Variants in LDLRAD3 observed in about 807,000 individuals in gnomAD.
The protein encoded by LDLRAD3 is low density lipoprotein receptor class A domain containing 3, also known as low-density lipoprotein receptor class A domain-containing protein 3.
A neutral mutation model predicts 29.4 loss-of-function variants in LDLRAD3; 20 were observed. The ratio of observed to expected loss-of-function variants is 0.68; its 90% CI spans 0.48 to 0.99. The LOEUF is 0.99. Ranked by LOEUF, LDLRAD3 falls within the 50% of genes least tolerant of loss-of-function variation. LDLRAD3 has a pLI of 0.00. For synonymous variants in LDLRAD3, 157 were observed against 192.7 expected (o/e 0.81, Z 1.53); for missense variants, 420 against 454.3 (o/e 0.92, Z 0.69).
chr11:36,130,648 C>T lies in LDLRAD3; in HGVS notation c.454+32187C>T, dbSNP rs77309236. On this transcript the variant is annotated intron_variant, in intron 4 of 5. Coordinates refer to ENST00000315571, the MANE Select transcript of LDLRAD3 (RefSeq NM_174902.4). ...CTGTTCTCCTCAACCCTGGTCTGAG[C>T]GCCTGCTTTGTGCGAGTCATTCAGG... 8.9e-3 allele frequency among the ~76,000 whole-genome samples: 1,360 copies of T among 152,294 alleles called. 8 individuals are homozygous for T. The highest frequency in any genetic ancestry group is 0.013 in the Non-Finnish European group (884 of 68,026).
At chr11:36,164,877 A>G (rs1210983951) in intron 4 of LDLRAD3, among the ~76,000 whole-genome samples, 1 of 152,198 alleles carries the variant, frequency 6.6e-6, no homozygotes, top group South Asian at 2.1e-4. Flanking sequence ...CCCAGTTGCT[A>G]TTGTTTGTTG....
At chr11:36,200,926 C>T (rs1239482489) in intron 4 of LDLRAD3, among the ~76,000 whole-genome samples, 1 of 152,170 alleles carries the variant, frequency 6.6e-6, no homozygotes, top group African/African-American at 2.4e-5. Flanking sequence ...TTCCTGGTCC[C>T]ACGCAGAAGG....
At chr11:36,165,650 C>T (rs1481165432) in intron 4 of LDLRAD3, among the ~76,000 whole-genome samples, 2 of 152,020 alleles carry the variant, frequency 1.3e-5, no homozygotes, top group African/African-American at 4.8e-5. Context: ...CTGTGTTTTG[C>T]ATAGTTCATT....
chr11:36,065,840 A>G (rs564249303), intron 2 of LDLRAD3, among the ~76,000 whole-genome samples: 11 of 152,158 alleles, frequency 7.2e-5, no homozygotes, highest in African/African-American at 2.2e-4. Flanking sequence ...TCTGCTGTTT[A>G]TGTGGATCAT....
intron 4 of LDLRAD3, among the ~76,000 whole-genome samples, chr11:36,155,747 T>G (rs1374638358): frequency 6.6e-6 from 1 of 152,212 alleles, no homozygotes; most frequent in Non-Finnish European, 1.5e-5. Flanking sequence ...CCCCTGTTAT[T>G]CCCAGGGGTA....
chr11:35,979,432 C>T (rs189702481), intron 1 of LDLRAD3, among the ~76,000 whole-genome samples: 9 of 152,242 alleles, frequency 5.9e-5, no homozygotes, highest in Admixed American at 4.6e-4. Flanking sequence ...GTTTTGGCCA[C>T]AGGATATTTA....
At chr11:36,100,912 C>A (rs1255064155) in intron 4 of LDLRAD3, among the ~76,000 whole-genome samples, 4 of 152,160 alleles carry the variant, frequency 2.6e-5, no homozygotes, top group Non-Finnish European at 5.9e-5. Context: ...TTTGCTTGCC[C>A]TTAAGAAGAA....
Position 36,181,247 on chromosome 11 carries a change from A to AT in LDLRAD3, c.455-45837dup, listed in dbSNP as rs1352806992. 4.8e-4 allele frequency among the ~76,000 whole-genome samples: 73 copies of AT among 151,316 alleles called. 1 individual carries two copies. The highest frequency in any genetic ancestry group is 1.1e-3 in the African/African-American group (46 of 41,188). ...ACACATGGTAAAAAAAAAAAAAAAA[A>AT]TCTAAGAATTACAGGACTAAGGTGA... On this transcript the variant is annotated intron_variant, in intron 4 of 5. Coordinates refer to ENST00000315571, the MANE Select transcript of LDLRAD3 (RefSeq NM_174902.4).
intron 4 of LDLRAD3, among the ~76,000 whole-genome samples, chr11:36,129,276 A>C (rs919754843): frequency 5.9e-5 from 9 of 152,206 alleles, no homozygotes; most frequent in African/African-American, 2.2e-4. Context: ...CAAAACCCAA[A>C]GGATTTGGCT....
At chr11:35,950,894 T>G (rs961169820) in intron 1 of LDLRAD3, among the ~76,000 whole-genome samples, 1 of 152,060 alleles carries the variant, frequency 6.6e-6, no homozygotes, top group Admixed American at 6.6e-5. Context: ...CCATCCTGGC[T>G]AACATGGTGA....
chr11:36,038,343 G>A (rs1216904188), intron 2 of LDLRAD3, among the ~76,000 whole-genome samples: 1 of 152,160 alleles, frequency 6.6e-6, no homozygotes, highest in Admixed American at 6.5e-5. Flanking sequence ...TCATCTGTCT[G>A]GTTTTGAGGA....
At chr11:35,964,126 GA>G (rs2133138709) in intron 1 of LDLRAD3, among the ~76,000 whole-genome samples, 1 of 152,288 alleles carries the variant, frequency 6.6e-6, no homozygotes, top group African/African-American at 2.4e-5. Flanking sequence ...AAGTTTGCTG[GA>G]GTCTTGAGCA....
At chr11:35,960,932 A>G (rs1851269608) in intron 1 of LDLRAD3, among the ~76,000 whole-genome samples, 1 of 152,190 alleles carries the variant, frequency 6.6e-6, no homozygotes. Flanking sequence ...ATGACTGGTC[A>G]GGGGAGTGGT....
At chr11:36,077,656 T>A (rs1402285581) in intron 2 of LDLRAD3, among the ~76,000 whole-genome samples, 1 of 152,178 alleles carries the variant, frequency 6.6e-6, no homozygotes, top group Non-Finnish European at 1.5e-5. Context: ...CTTAAGCAGC[T>A]TCCATGGCTG....
At chr11:36,145,081 C>A (rs1282750345) in intron 4 of LDLRAD3, among the ~76,000 whole-genome samples, 10 of 100,862 alleles carry the variant, frequency 9.9e-5, no homozygotes, top group South Asian at 3.9e-4. Context: ...CTCTGCCCGG[C>A]CAGCCGCCCC....
intron 2 of LDLRAD3, among the ~76,000 whole-genome samples, chr11:36,049,656 T>A (rs1052565250): frequency 5.3e-5 from 8 of 152,162 alleles, no homozygotes; most frequent in Non-Finnish European, 1.0e-4. Flanking sequence ...TGAAAGGCTG[T>A]TGGGTGTTCT....
At chr11:36,175,621 G>C (rs1017517886) in intron 4 of LDLRAD3, among the ~76,000 whole-genome samples, 1 of 152,114 alleles carries the variant, frequency 6.6e-6, no homozygotes, top group Non-Finnish European at 1.5e-5. Context: ...ATGGTTTTAA[G>C]GGTTCCTTTT....
At chr11:35,983,112 C>T (rs991199605) in intron 1 of LDLRAD3, among the ~76,000 whole-genome samples, 3 of 152,152 alleles carry the variant, frequency 2.0e-5, no homozygotes, top group Non-Finnish European at 4.4e-5. Context: ...CCTTGGCCTC[C>T]CAAGGTGTTG....
Position 35,944,256 on chromosome 11 carries a change from G to T in LDLRAD3, c.46+112G>T. On this transcript the variant is annotated intron_variant, in intron 1 of 5. Coordinates refer to ENST00000315571, the MANE Select transcript of LDLRAD3 (RefSeq NM_174902.4). The surrounding 1 kb of genome is among the most constrained non-coding windows in gnomAD (Gnocchi z 4.9). ...CCCGGGCGCGGGCCGCTCTCCGGGC[G>T]TGGGTGAGCGCGGAGGGCGGACCCC... The T allele has an allele frequency of 4.8e-6, 3 of 619,540 alleles. No homozygotes were observed. The highest frequency in any genetic ancestry group is 6.1e-6 in the Non-Finnish European group (3 of 494,732). 38.4% of individuals were successfully genotyped at this position (619,540 alleles called of 1,614,324 possible). A position where few individuals can be genotyped will look rare whatever the true frequency, so the allele number is the denominator to read the frequency against.
Sources: gnomAD v4.1 joint callset for allele counts (sites outside exome capture counted in the v4.1 genomes callset) on GRCh38, gnomAD v4.1.1 for gene constraint, Gnocchi (gnomAD v3.1) non-coding constraint, MANE v1.5 for transcripts, NCBI Gene and HGNC (gene_info 2026-07-23, HGNC 2026-07-21) for gene names.